The following MLXIPL variants were observed in gnomAD, a reference collection of about 807,000 sequenced individuals.
The protein encoded by MLXIPL is MLX interacting protein like.
MLXIPL carries 49 observed loss-of-function variants against 81.5 expected under a neutral mutation model. That is an observed-to-expected ratio of 0.60 (90% confidence interval 0.48 to 0.76). The LOEUF (loss-of-function observed/expected upper bound fraction) is 0.76, where lower values mean the gene tolerates loss of function less well. MLXIPL is among the 30% of genes least tolerant of loss of function. MLXIPL has a pLI of 0.00. For synonymous variants in MLXIPL, 466 were observed against 485.5 expected (o/e 0.96, Z 0.53); for missense variants, 1,053 against 1,167.0 (o/e 0.90, Z 1.42).
chr7:73,637,073 G>T, the MLXIPL span, among the ~76,000 whole-genome samples: 1 of 122,828 alleles, frequency 8.1e-6, no homozygotes, highest in East Asian at 2.3e-4. Context: ...AAAAAAAAAA[G>T]AATAACAAAC....
At chr7:73,644,682 G>T in the MLXIPL span, among the ~76,000 whole-genome samples, 1 of 151,878 alleles carries the variant, frequency 6.6e-6, no homozygotes. Context: ...TTCCTTCCTG[G>T]TCGACATCTC....
the MLXIPL span, among the ~76,000 whole-genome samples, chr7:73,637,356 T>A: frequency 6.6e-6 from 1 of 151,622 alleles, no homozygotes; most frequent in Non-Finnish European, 1.5e-5. Context: ...ACGCTTGTAA[T>A]CCCAGCTACT....
chr7:73,604,614 CAGAAG>C (rs1434031236), intron 7 of MLXIPL, among the ~76,000 whole-genome samples: 4 of 151,898 alleles, frequency 2.6e-5, no homozygotes, highest in African/African-American at 9.7e-5. Flanking sequence ...AGAAACATAA[CAGAAG>C]AGAAGGAATG....
intron 1 of MLXIPL, among the ~76,000 whole-genome samples, chr7:73,618,285 C>T (rs145236068): frequency 0.062 from 9,481 of 152,214 alleles, 389 homozygotes; most frequent in Middle Eastern, 0.11. Flanking sequence ...TTAGTAGAGA[C>T]GGGGCTTCAT....
intron 7 of MLXIPL, 99 bp downstream of exon 7, chr7:73,605,589 C>T: frequency 9.4e-7 from 1 of 1,061,682 alleles, no homozygotes. Flanking sequence ...AGAAACGACC[C>T]AGACTATCAG....
intron 2 of MLXIPL, among the ~76,000 whole-genome samples, chr7:73,615,469 T>A (rs1554600575): frequency 6.6e-6 from 1 of 152,116 alleles, no homozygotes; most frequent in Non-Finnish European, 1.5e-5. Flanking sequence ...GAACTGTACC[T>A]CAAATCTCAG....
Position 73,623,661 on chromosome 7 carries a change from G to T in MLXIPL, c.293+539C>A, listed in dbSNP as rs782705605. ...TCTCAGCAATTGCGGGGAGGTGGAC[G>T]TGAGAGTGGGCCAGTTCCAGTCCAC... On this transcript the variant is annotated intron_variant, in intron 1 of 16. Coordinates refer to ENST00000313375, the MANE Select transcript of MLXIPL (RefSeq NM_032951.3). This position sits in a 1 kb window ranked among gnomAD's most constrained non-coding sequence, Gnocchi z 5.7. Among the ~76,000 whole-genome samples the T allele has an allele frequency of 1.3e-5, 2 of 152,186 alleles. No homozygotes were observed.
rs782020793 is a variant in MLXIPL at position 73,597,306 on chromosome 7, G to C, written c.1479C>G (p.Gly493=). The change falls in exon 9 of 17, where the codon GGC becomes GGG. Residue 493 remains glycine, a synonymous_variant. Coordinates refer to ENST00000313375, the MANE Select transcript of MLXIPL (RefSeq NM_032951.3). ...AFGPCFSMPR[G]KPPAPSPRGQ... is the part of the protein sequence containing the mutation. ...CCCTAGGGGATGGGGCGGGGGGCTT[G>C]CCTCTGGGCATGGAGAAGCAAGGCC... is the stretch of plus-strand genomic sequence containing the variant. The C allele has an allele frequency of 1.3e-6, 2 of 1,564,752 alleles. No individual in the cohort carries two copies. The highest frequency in any genetic ancestry group is 1.7e-6 in the Non-Finnish European group (2 of 1,155,264).
At chr7:73,641,020 G>A in the MLXIPL span, among the ~76,000 whole-genome samples, 21 of 151,914 alleles carry the variant, frequency 1.4e-4, no homozygotes, top group East Asian at 3.5e-3. Flanking sequence ...ATCTGTAGGG[G>A]GCCAGGCACA....
rs1230371775 is a variant in MLXIPL, at chr7:73,596,756, G to A, written c.1705C>T (p.Leu569Phe). The A allele has an allele frequency of 1.9e-6, 3 of 1,600,858 alleles. No individual in the cohort carries two copies. The highest frequency in any genetic ancestry group is 1.3e-5 in the African/African-American group (1 of 74,796). Residue 569 changes from leucine to phenylalanine, a missense_variant, in exon 11 of 17, where the codon CTT becomes TTT. Physicochemically the swap from Leu to Phe is conservative, Grantham distance 22. This residue lies in a region of MLXIPL where 823 missense variants were observed against 933.0 expected (regional missense o/e 0.88). Transcript: ENST00000313375. This position sits in a 1 kb window ranked among gnomAD's most constrained non-coding sequence, Gnocchi z 4.7. ...ETVPEFPCTF[L>F]PPTPAPTPPR... ...GGTGTAGGGGCCGGGGTCGGGGGAA[G>A]GAATGTGCAGGGGAATTCAGGGACT... is the stretch of plus-strand genomic sequence containing the variant.
the MLXIPL span, among the ~76,000 whole-genome samples, chr7:73,637,629 T>A: frequency 4.0e-5 from 6 of 151,814 alleles, no homozygotes; most frequent in Non-Finnish European, 5.9e-5. Flanking sequence ...ATGGTCCCCA[T>A]TGCCCCGTTG....
At chr7:73,646,277 G>A in the MLXIPL span, among the ~76,000 whole-genome samples, 4 of 152,102 alleles carry the variant, frequency 2.6e-5, no homozygotes, top group South Asian at 2.1e-4. Context: ...CAGGAGCCTC[G>A]GAGACATGAC....
intron 15 of MLXIPL, 72 bp from the exon 16 acceptor site, chr7:73,594,475 T>C (rs1214643237): frequency 6.3e-7 from 1 of 1,588,758 alleles, no homozygotes; most frequent in Non-Finnish European, 8.5e-7. Flanking sequence ...TGATGCCCAG[T>C]TCAAACCAGG....
the MLXIPL span, among the ~76,000 whole-genome samples, chr7:73,639,298 G>A: frequency 8.3e-4 from 126 of 152,258 alleles, no homozygotes; most frequent in African/African-American, 2.8e-3. Flanking sequence ...AAAAAATGTA[G>A]GTACTCTTTG....
At chr7:73,615,196 A>T (rs1554600536) in intron 2 of MLXIPL, among the ~76,000 whole-genome samples, 1 of 152,074 alleles carries the variant, frequency 6.6e-6, no homozygotes, top group African/African-American at 2.4e-5. Flanking sequence ...GGGGTGGAGG[A>T]ACTAGCTCTG....
chr7:73,595,417 C>T (rs1278476422), intron 15 of MLXIPL, among the ~76,000 whole-genome samples: 6 of 152,176 alleles, frequency 3.9e-5, no homozygotes, highest in Non-Finnish European at 5.9e-5. Context: ...AAGGACTCCT[C>T]CCTCAGTTTC....
chr7:73,621,354 A>G (rs1796334059), intron 1 of MLXIPL, among the ~76,000 whole-genome samples: 1 of 149,430 alleles, frequency 6.7e-6, no homozygotes, highest in Non-Finnish European at 1.5e-5. Context: ...CCCTCTGCCC[A>G]CGCTAACCTG....
intron 2 of MLXIPL, chr7:73,609,278 C>T (rs1229914286): frequency 8.8e-6 from 1 of 113,228 alleles, no homozygotes; most frequent in African/African-American, 3.4e-5. Context: ...GCGTTTCACT[C>T]TTGTTGCCCA....
chr7:73,616,434 G>A (rs17145767), intron 1 of MLXIPL, among the ~76,000 whole-genome samples: 6,625 of 152,216 alleles, frequency 0.044, 534 homozygotes, highest in African/African-American at 0.15. Context: ...CAAAAGCCAC[G>A]CTGAAACCTG....
Sources: gnomAD v4.1 joint callset for allele counts (sites outside exome capture counted in the v4.1 genomes callset) on GRCh38, gnomAD v4.1.1 for gene constraint, gnomAD v4.1.1 regional missense constraint, Gnocchi (gnomAD v3.1) non-coding constraint, MANE v1.5 for transcripts, NCBI Gene and HGNC (gene_info 2026-07-23, HGNC 2026-07-21) for gene names.